The following SORCS2 variants were observed in gnomAD, a reference collection of about 807,000 sequenced individuals.
SORCS2 encodes VPS10 domain-containing receptor SorCS2.
SORCS2 carries 100 observed loss-of-function variants against 141.6 expected under a neutral mutation model. The ratio of observed to expected loss-of-function variants is 0.71; its 90% CI spans 0.60 to 0.83. The LOEUF is 0.83. Among genes scored for constraint, SORCS2 ranks in the 40% least tolerant of loss-of-function variants. The pLI is 0.00. For synonymous variants in SORCS2, 789 were observed against 676.9 expected, an observed-to-expected ratio of 1.17 and a Z score of -2.57; for missense variants, 1,646 against 1,560.2, an observed-to-expected ratio of 1.05 and a Z score of -0.93.
chr4:7,522,105 C>T (rs559874890), intron 2 of SORCS2, among the ~76,000 whole-genome samples: 23 of 152,350 alleles, frequency 1.5e-4, no homozygotes, highest in Admixed American at 3.9e-4. Context: ...AGAAAAAAAT[C>T]CTAAGTCTCA....
chr4:7,685,229 C>T (rs536743205), intron 10 of SORCS2, among the ~76,000 whole-genome samples: 4 of 152,220 alleles, frequency 2.6e-5, no homozygotes, highest in South Asian at 4.1e-4. Flanking sequence ...GAGATAACCT[C>T]GGTGAGATTT....
At chr4:7,340,755 C>T (rs1436295188) in intron 1 of SORCS2, among the ~76,000 whole-genome samples, 1 of 151,978 alleles carries the variant, frequency 6.6e-6, no homozygotes, top group Admixed American at 6.6e-5. Flanking sequence ...CAAGGGGAAA[C>T]ATGGGGCCCC....
intron 2 of SORCS2, among the ~76,000 whole-genome samples, chr4:7,482,148 T>C (rs1264562396): frequency 8.7e-5 from 3 of 34,396 alleles, no homozygotes; most frequent in Non-Finnish European, 5.5e-5. Context: ...GTATCCCCGC[T>C]GCGGACACCC....
chr4:7,621,007 G>C (rs1719129871), intron 3 of SORCS2, among the ~76,000 whole-genome samples: 1 of 152,030 alleles, frequency 6.6e-6, no homozygotes, highest in Admixed American at 6.5e-5. Flanking sequence ...GCAGTGGCTG[G>C]CAGGCACGGG....
chr4:7,350,740 A>G (rs1466731827), intron 1 of SORCS2, among the ~76,000 whole-genome samples: 1 of 152,196 alleles, frequency 6.6e-6, no homozygotes, highest in Non-Finnish European at 1.5e-5. Context: ...ATTAATTAAC[A>G]TGCTGTTGGT....
chr4:7,646,115 G>GGT (rs1302053929), intron 4 of SORCS2, among the ~76,000 whole-genome samples: 1 of 152,282 alleles, frequency 6.6e-6, no homozygotes, highest in Non-Finnish European at 1.5e-5. Context: ...GAGCGAGGCA[G>GGT]GTGTGTGCCC....
chr4:7,448,048 G>A (rs1406033191), intron 2 of SORCS2, among the ~76,000 whole-genome samples: 1 of 152,160 alleles, frequency 6.6e-6, no homozygotes, highest in Non-Finnish European at 1.5e-5. Flanking sequence ...GCGGAGGCTC[G>A]CTCTTCTTCA....
intron 15 of SORCS2, among the ~76,000 whole-genome samples, chr4:7,713,876 GT>G (rs1423057010): frequency 6.6e-6 from 1 of 152,188 alleles, no homozygotes; most frequent in African/African-American, 2.4e-5. Flanking sequence ...TGTCCTGATT[GT>G]CCCCTGAGGA....
At position 7,318,593 on chromosome 4, in the gene SORCS2, G is replaced by T. The variant is rs533877560; in HGVS notation, c.481-77695G>T. 8.5e-5 allele frequency among the ~76,000 whole-genome samples: 13 copies of T among 152,214 alleles called. 1 individual carries two copies. Among genetic ancestry groups the T allele is most frequent in the Middle Eastern group, 3.4e-3 (1 of 294 alleles). ...GTCTATCGCATCTATGCCTATGTTG[G>T]GAGAAAGATTAAACGAGCTAAGCCA... On this transcript the variant is annotated intron_variant, in intron 1 of 26. Transcript: ENST00000507866.
At chr4:7,583,313 G>C (rs1716288076) in intron 3 of SORCS2, among the ~76,000 whole-genome samples, 1 of 152,156 alleles carries the variant, frequency 6.6e-6, no homozygotes. Flanking sequence ...CTGATGGTTT[G>C]CTCCAGAAAA....
intron 14 of SORCS2, among the ~76,000 whole-genome samples, chr4:7,709,137 G>A (rs1232265545): frequency 6.6e-6 from 1 of 152,200 alleles, no homozygotes; most frequent in East Asian, 1.9e-4. Context: ...CTCTGTTTGT[G>A]TTGTGGGCCT....
intron 14 of SORCS2, among the ~76,000 whole-genome samples, chr4:7,705,160 G>C (rs993299338): frequency 2.0e-5 from 3 of 152,292 alleles, no homozygotes; most frequent in African/African-American, 7.2e-5. Context: ...CAGAGACACA[G>C]GCCTTGGGGG....
At chr4:7,594,520 G>A (rs368347317) in intron 3 of SORCS2, among the ~76,000 whole-genome samples, 1 of 152,350 alleles carries the variant, frequency 6.6e-6, no homozygotes, top group East Asian at 1.9e-4. Flanking sequence ...GTGGGTGTGA[G>A]ATCAGAGATT....
At chr4:7,323,517 CAG>C (rs1414063239) in intron 1 of SORCS2, among the ~76,000 whole-genome samples, 1 of 152,082 alleles carries the variant, frequency 6.6e-6, no homozygotes, top group African/African-American at 2.4e-5. Context: ...TGAGGGGGGT[CAG>C]AGCACCAGGA....
At chr4:7,212,302 C>A (rs985036495) in intron 1 of SORCS2, among the ~76,000 whole-genome samples, 1 of 152,148 alleles carries the variant, frequency 6.6e-6, no homozygotes, top group African/African-American at 2.4e-5. Flanking sequence ...TACTGGAGGG[C>A]GGGGAACACG....
At chr4:7,318,663 C>T (rs1410325293) in intron 1 of SORCS2, among the ~76,000 whole-genome samples, 5 of 152,188 alleles carry the variant, frequency 3.3e-5, no homozygotes, top group East Asian at 1.9e-4. Flanking sequence ...TCAATCATCG[C>T]AGCTACTCAG....
At chr4:7,294,153 T>A (rs1363606221) in intron 1 of SORCS2, among the ~76,000 whole-genome samples, 1 of 152,082 alleles carries the variant, frequency 6.6e-6, no homozygotes, top group Non-Finnish European at 1.5e-5. Flanking sequence ...GTTCTGAGCG[T>A]CCTATGTGCA....
intron 2 of SORCS2, among the ~76,000 whole-genome samples, chr4:7,530,072 G>A (rs959588530): frequency 6.6e-6 from 1 of 152,226 alleles, no homozygotes; most frequent in African/African-American, 2.4e-5. Flanking sequence ...GCCCAGAGAT[G>A]ATAAACAGTC....
At chr4:7,611,762 G>C (rs922765807) in intron 3 of SORCS2, among the ~76,000 whole-genome samples, 1 of 152,280 alleles carries the variant, frequency 6.6e-6, no homozygotes, top group Admixed American at 6.5e-5. Context: ...TTCAGTTTCA[G>C]TGCCCGTGAA....
Sources: gnomAD v4.1 joint callset for allele counts (sites outside exome capture counted in the v4.1 genomes callset) on GRCh38, gnomAD v4.1.1 for gene constraint, MANE v1.5 for transcripts, NCBI Gene and HGNC (gene_info 2026-07-23, HGNC 2026-07-21) for gene names.